Variants in UBE3C observed in about 807,000 individuals in gnomAD.
The protein encoded by UBE3C is ubiquitin-protein ligase E3C.
UBE3C carries 42 observed loss-of-function variants against 129.4 expected under a neutral mutation model. The ratio of observed to expected loss-of-function variants is 0.32; its 90% CI spans 0.25 to 0.42. UBE3C has a LOEUF of 0.42. Ranked by LOEUF, UBE3C falls within the 10% of genes least tolerant of loss-of-function variation. The probability of loss-of-function intolerance (pLI) is 1.00; values close to 1 mark genes in which losing one functional copy is unlikely to be tolerated. For missense variants in UBE3C, 1,049 were observed against 1,319.1 expected, an observed-to-expected ratio of 0.80 and a Z score of 3.17; for synonymous variants, 510 against 492.4, an observed-to-expected ratio of 1.04 and a Z score of -0.47.
At chr7:157,180,892 G>T (rs192235612) in intron 6 of UBE3C, among the ~76,000 whole-genome samples, 20 of 152,364 alleles carry the variant, frequency 1.3e-4, no homozygotes, top group Middle Eastern at 3.4e-3. Context: ...AAGGCTGATT[G>T]TAGGGCGGGA....
chr7:157,256,645 T>G (rs1486359790), intron 21 of UBE3C: 2 of 287,146 alleles, frequency 7.0e-6, no homozygotes, highest in East Asian at 1.2e-4. Flanking sequence ...GAAAAAGCAA[T>G]GGTTGTGTCT....
chr7:157,234,246 C>G (rs931355259), intron 18 of UBE3C, among the ~76,000 whole-genome samples: 1 of 152,144 alleles, frequency 6.6e-6, no homozygotes, highest in African/African-American at 2.4e-5. Context: ...TATCCATTCC[C>G]TGACCTAAAA....
chr7:157,175,137 CTTTTTTT>C (rs56852731), intron 5 of UBE3C, 103 bp downstream of exon 5: 44 of 252,754 alleles, frequency 1.7e-4, no homozygotes, highest in African/African-American at 7.0e-4. Context: ...CTTTTCCATA[CTTTTTTT>C]TTTTTTTTTT....
intron 22 of UBE3C, among the ~76,000 whole-genome samples, chr7:157,262,409 C>CT (rs371300314): frequency 0.018 from 978 of 53,954 alleles, 280 homozygotes; most frequent in Middle Eastern, 0.062. Context: ...TCTTCATAGG[C>CT]TTTTTTTTTT....
intron 1 of UBE3C, among the ~76,000 whole-genome samples, chr7:157,144,996 G>C (rs924931646): frequency 6.6e-6 from 1 of 152,130 alleles, no homozygotes; most frequent in African/African-American, 2.4e-5. Flanking sequence ...AATCCTCATT[G>C]CTGGCCAGGT....
chr7:157,142,246 T>G (rs907808030), intron 1 of UBE3C, among the ~76,000 whole-genome samples: 5 of 152,236 alleles, frequency 3.3e-5, no homozygotes, highest in Admixed American at 2.0e-4. Flanking sequence ...CTTAAATTAT[T>G]ATTTGAAATC....
At chr7:157,181,941 A>G (rs1586668909) in intron 7 of UBE3C, among the ~76,000 whole-genome samples, 167 bp from the exon 8 acceptor site, 2 of 152,242 alleles carry the variant, frequency 1.3e-5, no homozygotes, top group African/African-American at 4.8e-5. Context: ...TAGAGAAGAC[A>G]TTAAGTTTAC....
intron 17 of UBE3C, among the ~76,000 whole-genome samples, chr7:157,228,472 T>C (rs1795936682): frequency 6.6e-6 from 1 of 152,254 alleles, no homozygotes; most frequent in African/African-American, 2.4e-5. Flanking sequence ...CTCTGCACTC[T>C]GCTGTCATCA....
chr7:157,154,348 A>G (rs1423940045), intron 1 of UBE3C, among the ~76,000 whole-genome samples: 1 of 152,060 alleles, frequency 6.6e-6, no homozygotes, highest in Non-Finnish European at 1.5e-5. Context: ...CAGACCTTCT[A>G]AAGAGTATCC....
At chr7:157,169,330 C>G (rs1022890296) in intron 3 of UBE3C, among the ~76,000 whole-genome samples, 1 of 151,322 alleles carries the variant, frequency 6.6e-6, no homozygotes, top group African/African-American at 2.4e-5. Context: ...ACATGGGCCT[C>G]ACCACAGTTG....
At chr7:157,231,960 CAGTTCTGG>C (rs1255480585) in intron 18 of UBE3C, 1 of 152,432 alleles carries the variant, frequency 6.6e-6, no homozygotes, top group African/African-American at 2.4e-5. Context: ...TATTATTTGA[CAGTTCTGG>C]AGGCTGGAAG....
intron 10 of UBE3C, among the ~76,000 whole-genome samples, chr7:157,194,986 G>A (rs1809076579): frequency 6.6e-6 from 1 of 152,152 alleles, no homozygotes; most frequent in South Asian, 2.1e-4. Flanking sequence ...GAAATTCGTG[G>A]CCTATTCAAG....
intron 10 of UBE3C, among the ~76,000 whole-genome samples, chr7:157,188,059 T>G (rs1316247326): frequency 6.6e-6 from 1 of 152,220 alleles, no homozygotes; most frequent in Non-Finnish European, 1.5e-5. Context: ...CCCTCCAATT[T>G]GAGTGATATG....
chr7:157,215,222 G>T (rs560649893), intron 13 of UBE3C, among the ~76,000 whole-genome samples: 8 of 152,202 alleles, frequency 5.3e-5, no homozygotes, highest in African/African-American at 1.9e-4. Flanking sequence ...TCCACGGGTA[G>T]GTCATTCAAG....
chr7:157,216,835 G>C, intron 13 of UBE3C, 32 bp from the exon 14 acceptor site: 3 of 1,550,320 alleles, frequency 1.9e-6, no homozygotes, highest in Non-Finnish European at 2.7e-6. Flanking sequence ...CCGAGCTCAC[G>C]TGTGTGACGC....
At chr7:157,160,250 T>C (rs1273992684) in intron 1 of UBE3C, among the ~76,000 whole-genome samples, 2 of 152,118 alleles carry the variant, frequency 1.3e-5, no homozygotes, top group African/African-American at 2.4e-5. Context: ...GATTTTTGTA[T>C]TTTTAGTAGA....
intron 14 of UBE3C, chr7:157,217,236 T>A (rs187232573): frequency 7.3e-6 from 2 of 275,376 alleles, no homozygotes; most frequent in Non-Finnish European, 1.4e-5. Flanking sequence ...AATGATTCTT[T>A]GTGAGGTTGA....
chr7:157,144,251 A>AT (rs976491508), intron 1 of UBE3C, among the ~76,000 whole-genome samples: 48 of 152,216 alleles, frequency 3.2e-4, no homozygotes, highest in African/African-American at 1.1e-3. Flanking sequence ...AGCTGTGATC[A>AT]TGCCATAGCA....
At chr7:157,259,138 G>C (rs1796832065) in intron 22 of UBE3C, among the ~76,000 whole-genome samples, 1 of 152,224 alleles carries the variant, frequency 6.6e-6, no homozygotes, top group Non-Finnish European at 1.5e-5. Context: ...AGCATCACTT[G>C]AGCACATGTT....
Sources: gnomAD v4.1 joint callset for allele counts (sites outside exome capture counted in the v4.1 genomes callset) on GRCh38, gnomAD v4.1.1 for gene constraint, MANE v1.5 for transcripts, NCBI Gene and HGNC (gene_info 2026-07-23, HGNC 2026-07-21) for gene names.